GP6: variants seen among roughly 807,000 people sequenced by gnomAD.
GP6 encodes glycoprotein VI platelet, also known as platelet glycoprotein VI.
In GP6, 45 loss-of-function variants were observed where a neutral mutation model predicts 37.3. The ratio of observed to expected loss-of-function variants is 1.21; its 90% CI spans 0.95 to 1.55. The LOEUF is 1.55. GP6 is among the 40% of genes most tolerant of loss of function. The probability of loss-of-function intolerance (pLI) is 0.00; values close to 1 mark genes in which losing one functional copy is unlikely to be tolerated. For missense variants in GP6, 813 were observed against 760.2 expected (o/e 1.07, Z -0.82); for synonymous variants, 340 against 316.4 (o/e 1.07, Z -0.79).
chr19:55,028,943 T>G (rs1411343971), intron 3 of GP6, among the ~76,000 whole-genome samples: 1 of 151,828 alleles, frequency 6.6e-6, no homozygotes, highest in Non-Finnish European at 1.5e-5. Context: ...GAGGCTGCAG[T>G]GAGCTATGAT....
At chr19:55,019,026 CA>C (rs1231152657) in intron 5 of GP6, among the ~76,000 whole-genome samples, 3 of 151,978 alleles carry the variant, frequency 2.0e-5, no homozygotes, top group Admixed American at 6.6e-5. Context: ...GGTACACACC[CA>C]GGGGTGGTGG....
chr19:55,023,680 T>G (rs1349663783), intron 5 of GP6, among the ~76,000 whole-genome samples: 2 of 152,206 alleles, frequency 1.3e-5, no homozygotes. Flanking sequence ...ACCTCTTTTC[T>G]TATCAATGAT....
At chr19:55,033,153 C>T (rs369527585) in intron 1 of GP6, among the ~76,000 whole-genome samples, 3 of 114,946 alleles carry the variant, frequency 2.6e-5, no homozygotes, top group Non-Finnish European at 5.6e-5. Flanking sequence ...TGGGTTCGTT[C>T]GTGTTAGACG....
chr19:55,031,502 G>T (rs2146865304), intron 3 of GP6, among the ~76,000 whole-genome samples: 1 of 152,224 alleles, frequency 6.6e-6, no homozygotes, highest in African/African-American at 2.4e-5. Context: ...TTTCGTTTTG[G>T]CACAGACTCT....
intron 5 of GP6, among the ~76,000 whole-genome samples, chr19:55,021,249 A>G (rs2074071240): frequency 6.8e-6 from 1 of 147,388 alleles, no homozygotes; most frequent in Admixed American, 6.8e-5. Context: ...CTGTAGTCCC[A>G]GTTACTTAGG....
Position 55,032,141 on chromosome 19 carries a change from G to T in GP6, c.323C>A (p.Thr108Lys). ...GGCTCCGATCCCCCTTCCTTTACCC[G>T]TGGCAACGAGCTCCAGCTGGTCGCT... Residue 108 changes from threonine to lysine, a missense_variant and splice_region_variant, in exon 3 of 8, where the codon ACG (threonine) becomes AAG (lysine). By Grantham distance (78) the Thr-to-Lys change is moderately conservative. Coordinates refer to ENST00000310373, the MANE Select transcript of GP6 (RefSeq NM_001083899.2). The T allele has an allele frequency of 6.2e-7, 1 of 1,613,634 alleles. No homozygotes were observed. The highest frequency in any genetic ancestry group is 1.1e-5 in the South Asian group (1 of 91,070).
At chr19:55,018,082 T>TAAAAAG (rs1174218266) in intron 6 of GP6, among the ~76,000 whole-genome samples, 1 of 150,832 alleles carries the variant, frequency 6.6e-6, no homozygotes, top group Non-Finnish European at 1.5e-5. Context: ...AAATAAAAAA[T>TAAAAAG]AGAACTACGT....
At chr19:55,019,947 G>C (rs1193722842) in intron 5 of GP6, among the ~76,000 whole-genome samples, 7 of 152,080 alleles carry the variant, frequency 4.6e-5, no homozygotes, top group Non-Finnish European at 8.8e-5. Context: ...CAAAGTGCTG[G>C]GAATACAGGC....
intron 5 of GP6, 56 bp downstream of exon 5, chr19:55,025,162 G>C (rs190176297): frequency 1.0e-5 from 9 of 875,600 alleles, no homozygotes; most frequent in Admixed American, 9.9e-5. Context: ...AGGAGAGAGA[G>C]AAGGGGTCCG....
chr19:55,035,583 G>A (rs1404646899), intron 1 of GP6, among the ~76,000 whole-genome samples: 1 of 152,086 alleles, frequency 6.6e-6, no homozygotes, highest in Non-Finnish European at 1.5e-5. Flanking sequence ...GGGGCGTAGT[G>A]GCAGGAGCCT....
Position 55,020,497 on chromosome 19 carries a change from T to G in GP6, c.665-1786A>C, listed in dbSNP as rs551144792. On this transcript the variant is annotated intron_variant, in intron 5 of 7. Coordinates refer to ENST00000310373, the MANE Select transcript of GP6 (RefSeq NM_001083899.2). ...TTGGTTTTCAGTTCCTGTGTTAGTT[T>G]GCTGAGGATAATGTTTTCCAGCTCC... Among the ~76,000 whole-genome samples the G allele has an allele frequency of 5.3e-5, 8 of 152,256 alleles. 1 individual carries two copies. The South Asian group carries it at 8.3e-4, about 16-fold the overall frequency.
intron 5 of GP6, among the ~76,000 whole-genome samples, chr19:55,024,777 T>C (rs2074240410): frequency 6.6e-6 from 1 of 152,176 alleles, no homozygotes; most frequent in African/African-American, 2.4e-5. Context: ...CAGAAATCTA[T>C]TCTTTAAGCC....
chr19:55,022,066 A>G (rs1486135467), intron 5 of GP6, among the ~76,000 whole-genome samples: 1 of 151,924 alleles, frequency 6.6e-6, no homozygotes, highest in Non-Finnish European at 1.5e-5. Flanking sequence ...GTGAATTGAT[A>G]GATTGCAAAC....
chr19:55,024,528 C>T (rs747785065), intron 5 of GP6, among the ~76,000 whole-genome samples: 2 of 152,194 alleles, frequency 1.3e-5, no homozygotes, highest in Non-Finnish European at 2.9e-5. Context: ...GAATGTTAGA[C>T]ACGCCCAGCC....
rs770367312 is a variant in GP6, at chr19:55,019,678, CTT to C, written c.665-969_665-968del. Among the ~76,000 whole-genome samples, 368 of 126,702 alleles carry C rather than the reference CTT, an allele frequency of 2.9e-3. 6 individuals are homozygous for C. The highest frequency in any genetic ancestry group is 0.01 in the African/African-American group (347 of 33,502). The allele number at this position is 126,702 out of a possible 152,430, so 83.1% of individuals were successfully genotyped here. On this transcript the variant is annotated intron_variant, in intron 5 of 7. Transcript: ENST00000310373. ...CCAACTTAGGCCATTTTCTTTTTTT[CTT>C]TTTTTTTTTTTTTTTGAGACAGAGT...
intron 6 of GP6, among the ~76,000 whole-genome samples, chr19:55,017,886 T>C (rs2073933788): frequency 7.5e-6 from 1 of 133,334 alleles, no homozygotes; most frequent in African/African-American, 2.7e-5. Flanking sequence ...CTTCCCAAGA[T>C]GCTGAAACCC....
chr19:55,021,996 GGTT>G (rs1203507436), intron 5 of GP6, among the ~76,000 whole-genome samples: 1 of 151,338 alleles, frequency 6.6e-6, no homozygotes, highest in Non-Finnish European at 1.5e-5. Context: ...ACTTTTTAAT[GGTT>G]TTTTTTTTCT....
rs2074370964 is a variant in GP6, at chr19:55,027,847, G to A, written c.341C>T (p.Pro114Leu). Residue 114 changes from proline to leucine, a missense_variant, in exon 4 of 8, where the codon CCC (proline) becomes CTC (leucine). Pro to Leu is a moderately conservative substitution (Grantham distance 98). Transcript: ENST00000310373. Reference sequence around the variant, plus strand: ...CGGGCCGGGCTGGGCTGAGAGCGAGGGTTTGGCAAAAACTCCTGGGAGAAA... The same window carrying A: ...CGGGCCGGGCTGGGCTGAGAGCGAGAGTTTGGCAAAAACTCCTGGGAGAAA... The A allele has an allele frequency of 6.2e-7, 1 of 1,614,170 alleles. No homozygotes were observed. The highest frequency in any genetic ancestry group is 1.3e-5 in the African/African-American group (1 of 75,062).
At position 55,032,851 on chromosome 19, in the gene GP6, G is replaced by A. The variant is rs148363554; in HGVS notation, c.35-313C>T. The A allele has an allele frequency of 9.9e-4, 525 of 530,794 alleles. 5 individuals are homozygous for A. The highest frequency in any genetic ancestry group is 9.5e-3 in the African/African-American group (467 of 49,024). 32.9% of individuals were successfully genotyped at this position (530,794 alleles called of 1,614,324 possible). On this transcript the variant is annotated intron_variant, in intron 1 of 7. Transcript: ENST00000310373. The stretch of plus-strand genomic sequence containing the variant: ...CGTACTGCTCTCTGTGGACTTGTTC[G>A]TGTTAGACACGGTGGGCTCGTTCGT...
Sources: gnomAD v4.1 joint callset for allele counts (sites outside exome capture counted in the v4.1 genomes callset) on GRCh38, gnomAD v4.1.1 for gene constraint, MANE v1.5 for transcripts, NCBI Gene and HGNC (gene_info 2026-07-23, HGNC 2026-07-21) for gene names.